Variants in OSBPL1A observed in about 807,000 individuals in gnomAD.
OSBPL1A encodes oxysterol binding protein like 1A.
In OSBPL1A, 80 loss-of-function variants were observed where a neutral mutation model predicts 137.1. The observed-to-expected ratio is 0.58, with a 90% CI of 0.49 to 0.70. The LOEUF (loss-of-function observed/expected upper bound fraction) is 0.70. OSBPL1A is among the 30% of genes least tolerant of loss of function. The pLI, the probability that OSBPL1A is intolerant of heterozygous loss-of-function variation, is 0.00. For missense variants in OSBPL1A, 970 were observed against 1,129.4 expected, an observed-to-expected ratio of 0.86 and a Z score of 2.02; for synonymous variants, 365 against 389.7, an observed-to-expected ratio of 0.94 and a Z score of 0.75.
intron 17 of OSBPL1A, among the ~76,000 whole-genome samples, chr18:24,209,239 C>A (rs183559575): frequency 3.9e-5 from 6 of 152,188 alleles, no homozygotes; most frequent in African/African-American, 1.4e-4. Flanking sequence ...ATCAATAATA[C>A]AAAGACATAC....
At chr18:24,206,316 G>A (rs996112175) in intron 17 of OSBPL1A, among the ~76,000 whole-genome samples, 1 of 152,172 alleles carries the variant, frequency 6.6e-6, no homozygotes, top group African/African-American at 2.4e-5. Context: ...TGGTTAGGAG[G>A]CTGCAGAATG....
At chr18:24,215,929 C>T (rs891947827) in intron 17 of OSBPL1A, among the ~76,000 whole-genome samples, 5 of 152,134 alleles carry the variant, frequency 3.3e-5, no homozygotes, top group East Asian at 1.9e-4. Context: ...CAAGAATATA[C>T]GTTTTAATAA....
chr18:24,223,370 T>C (rs1023941371), intron 17 of OSBPL1A, among the ~76,000 whole-genome samples: 2 of 152,164 alleles, frequency 1.3e-5, no homozygotes, highest in South Asian at 2.1e-4. Context: ...AAATAGGAAT[T>C]ACGTATTCCC....
chr18:24,259,031 G>C (rs924308570), intron 15 of OSBPL1A, among the ~76,000 whole-genome samples: 1 of 146,676 alleles, frequency 6.8e-6, no homozygotes, highest in Non-Finnish European at 1.5e-5. Flanking sequence ...TCCACTTTCC[G>C]GGTTCACGCC....
chr18:24,175,251 T>C (rs1173102141), intron 21 of OSBPL1A, among the ~76,000 whole-genome samples: 1 of 150,822 alleles, frequency 6.6e-6, no homozygotes, highest in Non-Finnish European at 1.5e-5. Context: ...AATGGCGCAA[T>C]CATGGCTCAC....
intron 15 of OSBPL1A, among the ~76,000 whole-genome samples, chr18:24,267,044 C>G (rs1248642770): frequency 1.3e-5 from 2 of 150,410 alleles, no homozygotes; most frequent in Non-Finnish European, 3.0e-5. Context: ...TAGGGAGGGA[C>G]TGAGATTCAT....
Position 24,166,644 on chromosome 18 carries a change from C to A in OSBPL1A, c.2594G>T (p.Ser865Ile). The change falls in exon 26 of 28, where the codon AGT (serine) becomes ATT (isoleucine). Residue 865 changes from serine to isoleucine, a missense_variant. Coordinates refer to ENST00000319481, the MANE Select transcript of OSBPL1A (RefSeq NM_080597.4). Reference sequence around the variant, plus strand: ...CCTGCAGTCTGTCTTGGGAATCACACTCTCCATGTCTTTGTCTACTTCATT... The same window carrying A: ...CCTGCAGTCTGTCTTGGGAATCACAATCTCCATGTCTTTGTCTACTTCATT... ...VLNEVDKDMESVIPKTDCRLR... is the reference protein window; with the variant it reads ...VLNEVDKDMEIVIPKTDCRLR... 1 of 1,613,562 alleles carries A rather than the reference C, an allele frequency of 6.2e-7. No homozygotes were observed. The highest frequency in any genetic ancestry group is 2.2e-5 in the East Asian group (1 of 44,842).
At chr18:24,388,979 A>AT (rs918550428) in intron 1 of OSBPL1A, among the ~76,000 whole-genome samples, 1 of 152,142 alleles carries the variant, frequency 6.6e-6, no homozygotes, top group African/African-American at 2.4e-5. Context: ...TTCAAGATTG[A>AT]TTTTTTAAGG....
At chr18:24,293,214 G>A (rs1230314399) in intron 14 of OSBPL1A, among the ~76,000 whole-genome samples, 1 of 151,786 alleles carries the variant, frequency 6.6e-6, no homozygotes, top group Non-Finnish European at 1.5e-5. Flanking sequence ...TGAAGTAACA[G>A]AGACTGGCGT....
chr18:24,363,142 T>C (rs2091649288), intron 4 of OSBPL1A, among the ~76,000 whole-genome samples: 1 of 152,220 alleles, frequency 6.6e-6, no homozygotes, highest in African/African-American at 2.4e-5. Flanking sequence ...AGTGTCTAGC[T>C]TTCTACCGCT....
At position 24,366,946 on chromosome 18, in the gene OSBPL1A, C is replaced by T. The variant is rs748197123; in HGVS notation, c.228G>A (p.Val76=). ...DLLKAGAEVN[V]LNDMGDTPLH... ...GCGGCGTGTCTCCCATGTCATTCAACACATTCACTTCTGCACCAGCCTAGT... is the reference window on the plus strand; with the variant it reads ...GCGGCGTGTCTCCCATGTCATTCAATACATTCACTTCTGCACCAGCCTAGT... Residue 76 remains valine (V), a synonymous_variant, in exon 4 of 28, where the codon GTG becomes GTA. Coordinates refer to ENST00000319481, the MANE Select transcript of OSBPL1A (RefSeq NM_080597.4). The T allele has an allele frequency of 1.2e-6, 2 of 1,612,788 alleles. No individual in the cohort carries two copies. Among genetic ancestry groups the T allele is most frequent in the Non-Finnish European group, 1.7e-6 (2 of 1,179,406 alleles).
intron 17 of OSBPL1A, among the ~76,000 whole-genome samples, chr18:24,223,702 C>T (rs1327971796): frequency 2.0e-5 from 3 of 152,050 alleles, no homozygotes; most frequent in African/African-American, 7.2e-5. Flanking sequence ...AGCACACATA[C>T]GAAAGAACTA....
chr18:24,241,200 C>T (rs1055973421), intron 15 of OSBPL1A, among the ~76,000 whole-genome samples: 5 of 152,194 alleles, frequency 3.3e-5, no homozygotes. Flanking sequence ...CAATACCATT[C>T]AGGACATAGG....
chr18:24,176,727 T>C (rs749690056), intron 21 of OSBPL1A, among the ~76,000 whole-genome samples: 1 of 152,224 alleles, frequency 6.6e-6, no homozygotes, highest in African/African-American at 2.4e-5. Flanking sequence ...AAAGCCTCTG[T>C]AGTGCTGCTC....
chr18:24,204,907 C>T (rs1171332363), intron 17 of OSBPL1A, among the ~76,000 whole-genome samples: 1 of 152,088 alleles, frequency 6.6e-6, no homozygotes, highest in African/African-American at 2.4e-5. Context: ...TTGTATGTTT[C>T]AGGGAAGACA....
chr18:24,167,224 C>A, intron 25 of OSBPL1A, 105 bp downstream of exon 25: 2 of 1,046,346 alleles, frequency 1.9e-6, no homozygotes, highest in Non-Finnish European at 2.9e-6. Context: ...AGGATGCCAA[C>A]CTGCCTGTCT....
Position 24,165,117 on chromosome 18 carries a change from GT to G in OSBPL1A, c.2697del (p.Lys899AsnfsTer66). 1 of 1,614,074 alleles carries G rather than the reference GT, an allele frequency of 6.2e-7. No homozygotes were observed. Among genetic ancestry groups the G allele is most frequent in the Non-Finnish European group, 8.5e-7 (1 of 1,180,006 alleles). ...GACCTGTTTTTGCGGGCTGCTCTTT[GT>G]TTTTCCTCAAGTCGTTTTTTTTCTT... Reference protein sequence around the residue: ...ASEEKKRLEEKQRAARKNRSK... With the variant: ...ASEEKKRLEEXQRAARKNRSK... On this transcript the variant is annotated frameshift_variant, in exon 27 of 28. Transcript: ENST00000319481. LOFTEE classifies it high-confidence loss of function.
chr18:24,296,244 A>G (rs2730025), intron 14 of OSBPL1A, among the ~76,000 whole-genome samples: 87,965 of 152,034 alleles, frequency 0.58, 26,798 homozygotes, highest in African/African-American at 0.72. Flanking sequence ...ACATTCCTAC[A>G]TATTTTATTT....
intron 4 of OSBPL1A, among the ~76,000 whole-genome samples, chr18:24,355,992 AAAAAAAAAGAAAAG>A (rs1275551725): frequency 3.4e-5 from 5 of 146,250 alleles, no homozygotes; most frequent in South Asian, 2.1e-4. Flanking sequence ...TCTCAAAAAA[AAAAAAAAAGAAAAG>A]AAAAAAAAAG....
Sources: allele counts gnomAD v4.1 joint callset (sites outside exome capture counted in the v4.1 genomes callset), GRCh38; gene constraint gnomAD v4.1.1; transcripts MANE v1.5; gene names NCBI Gene and HGNC (gene_info 2026-07-23, HGNC 2026-07-21).